Variants in AGAP5 observed in about 807,000 individuals in gnomAD.
AGAP5 encodes arf-GAP with GTPase, ANK repeat and PH domain-containing protein 5.
In AGAP5, 8 loss-of-function variants were observed where a neutral mutation model predicts 27.7. The ratio of observed to expected loss-of-function variants is 0.29; its 90% CI spans 0.17 to 0.52. AGAP5 has a LOEUF of 0.52. Ranked by LOEUF, AGAP5 falls within the 20% of genes least tolerant of loss-of-function variation. AGAP5 has a pLI of 0.97. For synonymous variants in AGAP5, 111 were observed against 338.0 expected (o/e 0.33, Z 7.37); for missense variants, 285 against 880.8 (o/e 0.32, Z 8.56).
intron 4 of AGAP5, among the ~76,000 whole-genome samples, chr10:73,691,545 T>G (rs1162087380): frequency 1.3e-5 from 2 of 149,664 alleles, no homozygotes; most frequent in Admixed American, 1.4e-4. Context: ...CAGGCTGGAG[T>G]GCAATGGCGC....
At position 73,697,904 on chromosome 10, in the gene AGAP5, C is replaced by A; in HGVS notation, c.-149G>T. Reference sequence around the variant, plus strand: ...CACCTCACAGCGCGGCCCCGGGCACCATCCCTGGCCCCGGCCCCGGCCCCG... The same window carrying A: ...CACCTCACAGCGCGGCCCCGGGCACAATCCCTGGCCCCGGCCCCGGCCCCG... On this transcript the variant is annotated 5_prime_UTR_variant, in exon 1 of 8. The change abolishes an upstream ATG in the 5' untranslated region. Transcript: ENST00000374094. The A allele has an allele frequency of 6.5e-7, 1 of 1,534,664 alleles. No homozygotes were observed. The highest frequency in any genetic ancestry group is 8.7e-7 in the Non-Finnish European group (1 of 1,146,248).
chr10:73,674,703 G>C lies in AGAP5; in HGVS notation c.1957C>G (p.Arg653Gly). The C allele has an allele frequency of 1.9e-6, 3 of 1,611,364 alleles. No homozygotes were observed. The highest frequency in any genetic ancestry group is 2.5e-6 in the Non-Finnish European group (3 of 1,179,844). Residue 653 changes from arginine (R) to glycine (G), a missense_variant, in exon 8 of 8, where the codon CGA becomes GGA. Coordinates refer to ENST00000374094, the MANE Select transcript of AGAP5 (RefSeq NM_001144000.4). ...AGCGCTGTGTTCCCGTGGGCATCTC[G>C]GGCCATGACGTCCACCCCGTACCAG... is the stretch of plus-strand genomic sequence containing the variant. ...LIWYGVDVMA[R>G]DAHGNTALTY...
chr10:73,695,047 G>A (rs188053033), intron 2 of AGAP5, among the ~76,000 whole-genome samples: 2 of 149,778 alleles, frequency 1.3e-5, no homozygotes, highest in East Asian at 3.9e-4. Flanking sequence ...AGGCCAGCAC[G>A]AGTAACACAA....
chr10:73,695,354 C>T (rs988997048), intron 2 of AGAP5, among the ~76,000 whole-genome samples: 5 of 152,082 alleles, frequency 3.3e-5, no homozygotes, highest in African/African-American at 1.2e-4. Context: ...ATTAGCAATA[C>T]ATAGGGAGAA....
chr10:73,679,261 C>T (rs2132442183), intron 6 of AGAP5, among the ~76,000 whole-genome samples: 1 of 152,216 alleles, frequency 6.6e-6, no homozygotes, highest in East Asian at 1.9e-4. Context: ...CTCCCAAGTT[C>T]AAGCGGTTCT....
intron 4 of AGAP5, among the ~76,000 whole-genome samples, chr10:73,689,795 C>T (rs2082099731): frequency 6.6e-6 from 1 of 151,924 alleles, no homozygotes; most frequent in African/African-American, 2.4e-5. Context: ...CGCCCGGCAG[C>T]CACCCTGTCT....
intron 2 of AGAP5, among the ~76,000 whole-genome samples, chr10:73,696,059 C>T (rs889760016): frequency 6.6e-6 from 1 of 152,074 alleles, no homozygotes. Flanking sequence ...GTCACCCAGG[C>T]TGGAGTGCAT....
intron 2 of AGAP5, among the ~76,000 whole-genome samples, chr10:73,696,408 G>A (rs1198296501): frequency 6.6e-6 from 1 of 152,086 alleles, no homozygotes; most frequent in East Asian, 1.9e-4. Context: ...ACTCTTACAG[G>A]GAAGGTCTGA....
At position 73,692,248 on chromosome 10, in the gene AGAP5, CA is replaced by C. The variant is rs2082125732; in HGVS notation, c.362-172del. Among the ~76,000 whole-genome samples, 7 of 151,242 alleles carry C rather than the reference CA, an allele frequency of 4.6e-5. No homozygotes were observed. The South Asian group carries it at 1.5e-3, about 32-fold the overall frequency. On this transcript the variant is annotated intron_variant, in intron 3 of 7. Transcript: ENST00000374094. ...ATCTGGCATGATTAATTTCATAAGT[CA>C]AATCTAAAAACTTAGTTTTTCATTT...
chr10:73,691,706 C>G (rs903882965), intron 4 of AGAP5, among the ~76,000 whole-genome samples: 2 of 151,986 alleles, frequency 1.3e-5, no homozygotes, highest in African/African-American at 4.8e-5. Context: ...TGGTCAGGGT[C>G]GTCTCAAACT....
Position 73,697,892 on chromosome 10 carries a change from G to T in AGAP5, c.-137C>A. ...TCCTCGCCTGCCCACCTCACAGCGC[G>T]GCCCCGGGCACCATCCCTGGCCCCG... is the stretch of plus-strand genomic sequence containing the variant. On this transcript the variant is annotated 5_prime_UTR_variant, in exon 1 of 8. Transcript: ENST00000374094. 2 of 1,537,104 alleles carry T rather than the reference G, an allele frequency of 1.3e-6. No homozygotes were observed. Among genetic ancestry groups the T allele is most frequent in the Non-Finnish European group, 1.7e-6 (2 of 1,147,668 alleles).
chr10:73,690,290 G>C (rs2082106064), intron 4 of AGAP5, among the ~76,000 whole-genome samples: 1 of 152,216 alleles, frequency 6.6e-6, no homozygotes, highest in African/African-American at 2.4e-5. Context: ...TTGGGATCCT[G>C]TTGATCTGTG....
intron 1 of AGAP5, among the ~76,000 whole-genome samples, 183 bp from the exon 2 acceptor site, chr10:73,697,346 G>A (rs1448169636): frequency 2.0e-5 from 3 of 152,014 alleles, no homozygotes; most frequent in Non-Finnish European, 4.4e-5. Context: ...GAAACTGACT[G>A]GACTCGGTGA....
intron 2 of AGAP5, 37 bp from the exon 3 acceptor site, chr10:73,694,841 A>G: frequency 1.3e-6 from 2 of 1,597,408 alleles, no homozygotes; most frequent in African/African-American, 2.7e-5. Flanking sequence ...AAAAGATGTA[A>G]TCATTGATAA....
chr10:73,688,911 A>G (rs937607548), intron 4 of AGAP5, among the ~76,000 whole-genome samples: 1 of 152,206 alleles, frequency 6.6e-6, no homozygotes, highest in Non-Finnish European at 1.5e-5. Context: ...CAACACTGTA[A>G]TAAGAGCACA....
At chr10:73,696,472 AT>A (rs751159072) in intron 2 of AGAP5, among the ~76,000 whole-genome samples, 39 of 152,256 alleles carry the variant, frequency 2.6e-4, no homozygotes, top group Admixed American at 6.5e-4. Flanking sequence ...TTGACATTTC[AT>A]GTCTTTTGAA....
chr10:73,686,264 C>G (rs1320283637), intron 4 of AGAP5, among the ~76,000 whole-genome samples: 1 of 152,120 alleles, frequency 6.6e-6, no homozygotes, highest in Non-Finnish European at 1.5e-5. Flanking sequence ...TACCTATAGC[C>G]AACTGATTTT....
At chr10:73,694,463 A>G (rs2082144523) in intron 3 of AGAP5, among the ~76,000 whole-genome samples, 1 of 152,242 alleles carries the variant, frequency 6.6e-6, no homozygotes, top group African/African-American at 2.4e-5. Context: ...GATAAATCCA[A>G]AAATTATAAA....
rs1466848020 is a variant in AGAP5, at chr10:73,675,387, C to T, written c.1273G>A (p.Ala425Thr). 6.2e-7 allele frequency: 1 copy of T among 1,614,118 alleles called. No individual in the cohort carries two copies. Among genetic ancestry groups the T allele is most frequent in the Non-Finnish European group, 8.5e-7 (1 of 1,180,038 alleles). The change falls in exon 8 of 8, where the codon GCC becomes ACC. Residue 425 changes from alanine (A) to threonine (T), a missense_variant. Coordinates refer to ENST00000374094, the MANE Select transcript of AGAP5 (RefSeq NM_001144000.4). ...SATGQTWHFE[A>T]TTYEERDAWV... ...GCATCCCGCTCCTCATACGTCGTGG[C>T]TTCAAAGTGCCATGTTTGGCCAGTG...
Sources: gnomAD v4.1 joint callset for allele counts (sites outside exome capture counted in the v4.1 genomes callset) on GRCh38, gnomAD v4.1.1 for gene constraint, MANE v1.5 for transcripts, NCBI Gene and HGNC (gene_info 2026-07-23, HGNC 2026-07-21) for gene names.